Variants in IZUMO2 observed in about 807,000 individuals in gnomAD.
IZUMO2 encodes the protein izumo sperm-egg fusion protein 2.
Under a neutral mutation model 31.2 loss-of-function variants are expected in IZUMO2, and 24 were observed. The ratio of observed to expected loss-of-function variants is 0.77; its 90% CI spans 0.56 to 1.08. IZUMO2 has a LOEUF of 1.08. Ranked by LOEUF, IZUMO2 falls within the 50% of genes least tolerant of loss-of-function variation. The pLI is 0.00. For missense variants in IZUMO2, 278 were observed against 274.0 expected, an observed-to-expected ratio of 1.01 and a Z score of -0.10; for synonymous variants, 144 against 117.3, an observed-to-expected ratio of 1.23 and a Z score of -1.47.
chr19:50,158,165 C>T (rs948931411), intron 5 of IZUMO2, 103 bp downstream of exon 5: 13 of 650,572 alleles, frequency 2.0e-5, no homozygotes, highest in African/African-American at 1.9e-5. Flanking sequence ...GGGCAGGATT[C>T]GAGGCTGCAT....
chr19:50,158,544 G>A (rs1804175863), intron 4 of IZUMO2, among the ~76,000 whole-genome samples, 196 bp from the exon 5 acceptor site: 1 of 152,186 alleles, frequency 6.6e-6, no homozygotes, highest in Non-Finnish European at 1.5e-5. Flanking sequence ...AATCATTGAA[G>A]AACTAAATTC....
At position 50,163,133 on chromosome 19, in the gene IZUMO2, C is replaced by A. The variant is rs751584350; in HGVS notation, c.62G>T (p.Cys21Phe). The A allele has an allele frequency of 3.5e-5, 55 of 1,591,624 alleles. No individual in the cohort carries two copies. Among genetic ancestry groups the A allele is most frequent in the Non-Finnish European group, 4.4e-5 (51 of 1,169,940 alleles). The change falls in exon 1 of 7, where the codon TGC (cysteine) becomes TTC (phenylalanine). Residue 21 changes from cysteine (C) to phenylalanine (F), a missense_variant. By Grantham distance (205) the Cys-to-Phe change is radical. Transcript: ENST00000293405. ...SGLGAPGGWG[C>F]LQCDPLVLEA... Reference sequence around the variant, plus strand: ...CAGCACCAAGGGGTCGCACTGCAGGCAGCCCCAGCCTCCGGGGGCGCCCAA... The same window carrying A: ...CAGCACCAAGGGGTCGCACTGCAGGAAGCCCCAGCCTCCGGGGGCGCCCAA...
At chr19:50,159,352 G>A (rs1306552699) in intron 3 of IZUMO2, 102 bp from the exon 4 acceptor site, 15 of 1,358,886 alleles carry the variant, frequency 1.1e-5, no homozygotes, top group African/African-American at 1.4e-5. Context: ...GCTGGGAAAG[G>A]AGAGAAGGGA....
chr19:50,156,063 A>G (rs1237368163), intron 5 of IZUMO2, among the ~76,000 whole-genome samples: 1 of 152,138 alleles, frequency 6.6e-6, no homozygotes, highest in African/African-American at 2.4e-5. Context: ...CGTATTTTCT[A>G]AAGTAGCAGC....
rs764671673 is a variant in IZUMO2, at chr19:50,162,865, G to T, written c.233-52C>A. On this transcript the variant is annotated intron_variant, in intron 1 of 6. Coordinates refer to ENST00000293405, the MANE Select transcript of IZUMO2 (RefSeq NM_152358.3). ...CAGTGAGCCCCCCAGAGAGCCAAGT[G>T]ACCTCACCCCCTCCAGGCCTGGCCC... is the stretch of plus-strand genomic sequence containing the variant. 17 of 1,603,038 alleles carry T rather than the reference G, an allele frequency of 1.1e-5. No homozygotes were observed. The South Asian group carries it at 1.4e-4, about 13-fold the overall frequency.
intron 1 of IZUMO2, 24 bp downstream of exon 1, chr19:50,162,939 T>G: frequency 6.2e-7 from 1 of 1,612,706 alleles, no homozygotes; most frequent in Non-Finnish European, 8.5e-7. Flanking sequence ...CCAGCCCCGC[T>G]GCCCAATTTC....
chr19:50,153,640 G>C (rs966160052), intron 6 of IZUMO2: 1 of 152,044 alleles, frequency 6.6e-6, no homozygotes, highest in African/African-American at 2.4e-5. Flanking sequence ...CGTCTCTAAT[G>C]AAAATATAAC....
chr19:50,154,287 T>G lies in IZUMO2; in HGVS notation c.623+313A>C, dbSNP rs868111898. Among the ~76,000 whole-genome samples, 514 of 142,014 alleles carry G rather than the reference T, an allele frequency of 3.6e-3. 18 individuals carry two copies. Among genetic ancestry groups the G allele is most frequent in the African/African-American group, 0.013 (485 of 37,936 alleles). 93.2% of individuals were successfully genotyped at this position (142,014 alleles called of 152,430 possible). On this transcript the variant is annotated intron_variant, in intron 6 of 6. Transcript: ENST00000293405. The stretch of plus-strand genomic sequence containing the variant: ...GCGTTTTTTTTTTTTTTTTTTTTTT[T>G]TTTTTTTTTTAATGTAAGAAGAGGC...
rs1241375053 is a variant in IZUMO2, at chr19:50,158,329, C to T, written c.435G>A (p.Val145=). The T allele has an allele frequency of 6.2e-7, 1 of 1,611,226 alleles. No homozygotes were observed. Among genetic ancestry groups the T allele is most frequent in the Admixed American group, 1.7e-5 (1 of 59,784 alleles). ...PKLCRLLKEE[V]LDCLHCQRIT... is the part of the protein sequence containing the mutation. ...TCCTCTGGCAATGTAAACAGTCCAA[C>T]ACCTCTTCTTTTAGCAAGCCTAGGC... Residue 145 remains valine, a synonymous_variant, in exon 5 of 7, where the codon GTG becomes GTA. Coordinates refer to ENST00000293405, the MANE Select transcript of IZUMO2 (RefSeq NM_152358.3).
chr19:50,156,410 A>C (rs1278551158), intron 5 of IZUMO2, among the ~76,000 whole-genome samples: 1 of 152,194 alleles, frequency 6.6e-6, no homozygotes, highest in Admixed American at 6.5e-5. Context: ...TGGCCCCATT[A>C]AAATGTGGGC....
In IZUMO2 at chr19:50,157,910, T is replaced by TA. The variant is rs35022444; in HGVS notation, c.496+357dup. Among the ~76,000 whole-genome samples the TA allele has an allele frequency of 8.4e-3, 936 of 110,806 alleles. 10 individuals are homozygous for TA. The highest frequency in any genetic ancestry group is 0.021 in the African/African-American group (681 of 32,168). The allele number at this position is 110,806 out of a possible 152,430, so 72.7% of individuals were successfully genotyped here. A position where few individuals can be genotyped will look rare whatever the true frequency, so the allele number is the denominator to read the frequency against. On this transcript the variant is annotated intron_variant, in intron 5 of 6. Coordinates refer to ENST00000293405, the MANE Select transcript of IZUMO2 (RefSeq NM_152358.3). ...ACTCCAGCCTGGGCGAGAATCCATA[T>TA]AAAAAAAAAAAAAAAAGAATGTATG...
intron 6 of IZUMO2, among the ~76,000 whole-genome samples, chr19:50,153,421 G>A (rs1429306663): frequency 6.6e-6 from 1 of 152,210 alleles, no homozygotes; most frequent in Non-Finnish European, 1.5e-5. Flanking sequence ...ACAGAGAAAT[G>A]AGGAGAGAGA....
rs994569077 is a variant in IZUMO2, at chr19:50,159,254, C to T, written c.395-4G>A. The T allele has an allele frequency of 6.2e-7, 1 of 1,610,634 alleles. No individual in the cohort carries two copies. The highest frequency in any genetic ancestry group is 8.5e-7 in the Non-Finnish European group (1 of 1,179,144). ...CGGCAAAGTTTGGGGTTGCAGGCTG[C>T]AAGAGAAAATTGCTGAGGTGAGTTA... On this transcript the variant is annotated splice_polypyrimidine_tract_variant and splice_region_variant and intron_variant, in intron 3 of 6. Coordinates refer to ENST00000293405, the MANE Select transcript of IZUMO2 (RefSeq NM_152358.3).
At chr19:50,156,313 A>G (rs1390234294) in intron 5 of IZUMO2, among the ~76,000 whole-genome samples, 2 of 152,150 alleles carry the variant, frequency 1.3e-5, no homozygotes, top group Non-Finnish European at 2.9e-5. Context: ...TAAACATCCT[A>G]CAATGACCAG....
At chr19:50,159,437 G>A (rs2030323553) in intron 3 of IZUMO2, 57 bp downstream of exon 3, 1 of 1,346,154 alleles carries the variant, frequency 7.4e-7, no homozygotes. Context: ...GTGGTAAAAG[G>A]GGATCAAGAG....
rs1199042619 is a variant in IZUMO2, at chr19:50,156,405, C to G, written c.497-1679G>C. On this transcript the variant is annotated intron_variant, in intron 5 of 6. Coordinates refer to ENST00000293405, the MANE Select transcript of IZUMO2 (RefSeq NM_152358.3). The stretch of plus-strand genomic sequence containing the variant: ...AGAAACCCTAGTCTAACCTCTGGCC[C>G]CATTAAAATGTGGGCTCCATGAGGG... Among the ~76,000 whole-genome samples the G allele has an allele frequency of 2.6e-5, 4 of 152,106 alleles. No homozygotes were observed. In the East Asian group the frequency reaches 5.8e-4, roughly 22 times the overall value.
In IZUMO2 at chr19:50,152,656, T is replaced by C. The variant is rs1408966070; in HGVS notation, c.624-5A>G. 1 of 1,612,400 alleles carries C rather than the reference T, an allele frequency of 6.2e-7. No homozygotes were observed. Among genetic ancestry groups the C allele is most frequent in the East Asian group, 2.2e-5 (1 of 44,860 alleles). On this transcript the variant is annotated splice_polypyrimidine_tract_variant and splice_region_variant and intron_variant, in intron 6 of 6. Coordinates refer to ENST00000293405, the MANE Select transcript of IZUMO2 (RefSeq NM_152358.3). ...TTTTGTCTGTATGTACAAGCCCTGGTCAGAGAGAAAAAGCCTGTAGATTAG... is the reference window on the plus strand; with the variant it reads ...TTTTGTCTGTATGTACAAGCCCTGGCCAGAGAGAAAAAGCCTGTAGATTAG...
chr19:50,161,810 T>G (rs1275677801), intron 2 of IZUMO2, among the ~76,000 whole-genome samples: 2 of 152,160 alleles, frequency 1.3e-5, no homozygotes, highest in Non-Finnish European at 2.9e-5. Flanking sequence ...CTGCTTTATT[T>G]TTTTCCTCCT....
rs1209316453 is a variant in IZUMO2, at chr19:50,163,130, A to G, written c.65T>C (p.Leu22Pro). Residue 22 changes from leucine (L) to proline (P), a missense_variant, in exon 1 of 7, where the codon CTG becomes CCG. Transcript: ENST00000293405. The stretch of plus-strand genomic sequence containing the variant: ...CTCCAGCACCAAGGGGTCGCACTGC[A>G]GGCAGCCCCAGCCTCCGGGGGCGCC... The part of the protein sequence containing the change: ...GLGAPGGWGC[L>P]QCDPLVLEAL... 2 of 1,595,276 alleles carry G rather than the reference A, an allele frequency of 1.3e-6. No homozygotes were observed. Among genetic ancestry groups the G allele is most frequent in the Non-Finnish European group, 1.7e-6 (2 of 1,171,746 alleles).
Sources: gnomAD v4.1 joint callset for allele counts (sites outside exome capture counted in the v4.1 genomes callset) on GRCh38, gnomAD v4.1.1 for gene constraint, MANE v1.5 for transcripts, NCBI Gene and HGNC (gene_info 2026-07-23, HGNC 2026-07-21) for gene names.